GABRB1: variants seen among roughly 807,000 people sequenced by gnomAD.
The protein encoded by GABRB1 is gamma-aminobutyric acid type A receptor subunit beta1.
Under a neutral mutation model 51.6 loss-of-function variants are expected in GABRB1, and 17 were observed. The ratio of observed to expected loss-of-function variants is 0.33; its 90% CI spans 0.23 to 0.49. GABRB1 has a LOEUF of 0.49. Ranked by LOEUF, GABRB1 falls within the 20% of genes least tolerant of loss-of-function variation. GABRB1 has a pLI of 0.99. For synonymous variants in GABRB1, 247 were observed against 218.9 expected (o/e 1.13, Z -1.14); for missense variants, 410 against 600.6 (o/e 0.68, Z 3.32).
intron 4 of GABRB1, among the ~76,000 whole-genome samples, chr4:47,210,185 A>G (rs2109808879): frequency 6.6e-6 from 1 of 152,076 alleles, no homozygotes; most frequent in Non-Finnish European, 1.5e-5. Flanking sequence ...GGACACAGCA[A>G]CTCTTTTCTG....
intron 7 of GABRB1, 21 bp from the exon 8 acceptor site, chr4:47,406,661 T>C (rs1728583017): frequency 6.2e-7 from 1 of 1,613,806 alleles, no homozygotes; most frequent in African/African-American, 1.3e-5. Context: ...TTCAGCTAAG[T>C]GTTGTCTTTC....
intron 3 of GABRB1, among the ~76,000 whole-genome samples, chr4:47,051,018 G>C (rs1003879766): frequency 2.6e-5 from 4 of 152,080 alleles, no homozygotes; most frequent in African/African-American, 7.2e-5. Context: ...TCTTGTCTCT[G>C]TGTGTTGGGT....
chr4:47,270,859 C>G (rs1722845853), intron 4 of GABRB1, among the ~76,000 whole-genome samples: 1 of 152,158 alleles, frequency 6.6e-6, no homozygotes. Flanking sequence ...TTTGTTTATC[C>G]TATAGCATAC....
At chr4:47,298,049 G>A in intron 4 of GABRB1, among the ~76,000 whole-genome samples, 1 of 152,158 alleles carries the variant, frequency 6.6e-6, no homozygotes, top group East Asian at 1.9e-4. Context: ...AACGCTTCAT[G>A]CTAAAAACTC....
intron 1 of GABRB1, among the ~76,000 whole-genome samples, chr4:47,006,747 G>A (rs1236449878): frequency 6.6e-6 from 1 of 152,146 alleles, no homozygotes; most frequent in Non-Finnish European, 1.5e-5. Flanking sequence ...GAGATTAAGT[G>A]AGACAAATAG....
chr4:47,114,671 A>G (rs986852242), intron 3 of GABRB1, among the ~76,000 whole-genome samples: 4 of 152,172 alleles, frequency 2.6e-5, no homozygotes, highest in Non-Finnish European at 5.9e-5. Flanking sequence ...CATTTTAATG[A>G]GAATCCTGGG....
At chr4:47,028,549 A>T (rs1189560643), upstream of GABRB1, among the ~76,000 whole-genome samples, 2 of 151,688 alleles carry the variant, frequency 1.3e-5, no homozygotes, top group African/African-American at 4.8e-5. Flanking sequence ...ATCAGTTTTG[A>T]TCAGCTTTTT....
At chr4:47,347,400 G>A (rs1432591463) in intron 5 of GABRB1, among the ~76,000 whole-genome samples, 1 of 152,060 alleles carries the variant, frequency 6.6e-6, no homozygotes, top group Non-Finnish European at 1.5e-5. Flanking sequence ...ATATTGAAGA[G>A]CAAATATAAA....
At chr4:47,381,454 C>T (rs1273861036) in intron 5 of GABRB1, among the ~76,000 whole-genome samples, 6 of 152,218 alleles carry the variant, frequency 3.9e-5, no homozygotes, top group Non-Finnish European at 1.5e-5. Flanking sequence ...CTTTCAGGAA[C>T]ACTGGTTCTC....
At chr4:47,409,927 A>G (rs1052600906) in intron 8 of GABRB1, among the ~76,000 whole-genome samples, 1 of 152,254 alleles carries the variant, frequency 6.6e-6, no homozygotes, top group African/African-American at 2.4e-5. Flanking sequence ...ATCTAGATGT[A>G]TAAGTCCTGC....
chr4:47,037,050 TG>T (rs1725606528), intron 3 of GABRB1, among the ~76,000 whole-genome samples: 1 of 152,130 alleles, frequency 6.6e-6, no homozygotes, highest in African/African-American at 2.4e-5. Context: ...AGCCTGGAGA[TG>T]GGGCTTGACC....
At chr4:47,274,939 G>A (rs1723024089) in intron 4 of GABRB1, among the ~76,000 whole-genome samples, 2 of 152,114 alleles carry the variant, frequency 1.3e-5, no homozygotes, top group South Asian at 4.1e-4. Context: ...TTTCAGTCTA[G>A]GAAAGGAGGT....
At chr4:47,231,497 T>A (rs1191684235) in intron 4 of GABRB1, among the ~76,000 whole-genome samples, 1 of 152,198 alleles carries the variant, frequency 6.6e-6, no homozygotes, top group African/African-American at 2.4e-5. Context: ...ATCACTTCCT[T>A]GTGGCTGTAA....
chr4:47,237,947 G>T (rs1721389369), intron 4 of GABRB1, among the ~76,000 whole-genome samples: 1 of 151,880 alleles, frequency 6.6e-6, no homozygotes, highest in African/African-American at 2.4e-5. Context: ...AATTTTTGTT[G>T]TAATTAAATA....
intron 5 of GABRB1, among the ~76,000 whole-genome samples, chr4:47,357,778 C>A (rs569424737): frequency 8.0e-4 from 122 of 152,256 alleles, no homozygotes; most frequent in African/African-American, 2.8e-3. Context: ...TGGTTCTTGG[C>A]TTTGTGGCCT....
chr4:47,210,518 C>A (rs1389250696), intron 4 of GABRB1, among the ~76,000 whole-genome samples: 1 of 152,040 alleles, frequency 6.6e-6, no homozygotes, highest in Non-Finnish European at 1.5e-5. Flanking sequence ...CGTGGCATTT[C>A]CCCTGCATTA....
At chr4:47,158,717 T>A (rs992252935) in intron 3 of GABRB1, among the ~76,000 whole-genome samples, 1 of 152,092 alleles carries the variant, frequency 6.6e-6, no homozygotes, top group African/African-American at 2.4e-5. Flanking sequence ...AGACTTAGAA[T>A]TCATTACAGA....
rs138145730 is a variant in GABRB1, at chr4:47,174,011, T to C, written c.461+12542T>C. On this transcript the variant is annotated intron_variant, in intron 4 of 8. Coordinates refer to ENST00000295454, the MANE Select transcript of GABRB1 (RefSeq NM_000812.4). ...TTTTCCTTAATTACTAATCAGAATTTTAATTCCAAGTCTCTGTTCAATTGT... is the reference window on the plus strand; with the variant it reads ...TTTTCCTTAATTACTAATCAGAATTCTAATTCCAAGTCTCTGTTCAATTGT... Among the ~76,000 whole-genome samples, 410 of 152,252 alleles carry C rather than the reference T, an allele frequency of 2.7e-3. 2 individuals carry two copies. Among genetic ancestry groups the C allele is most frequent in the African/African-American group, 9.3e-3 (386 of 41,580 alleles).
At chr4:47,112,340 C>T (rs1290515128) in intron 3 of GABRB1, among the ~76,000 whole-genome samples, 6 of 151,872 alleles carry the variant, frequency 4.0e-5, no homozygotes, top group South Asian at 2.1e-4. Context: ...CTCCTGACCT[C>T]GTAATCCGAC....
Sources: gnomAD v4.1 joint callset for allele counts (sites outside exome capture counted in the v4.1 genomes callset) on GRCh38, gnomAD v4.1.1 for gene constraint, MANE v1.5 for transcripts, NCBI Gene and HGNC (gene_info 2026-07-23, HGNC 2026-07-21) for gene names.